Variants in CAV1 observed in about 807,000 individuals in gnomAD.
CAV1 encodes caveolin-1.
In CAV1, 10 loss-of-function variants were observed where a neutral mutation model predicts 16.5. The ratio of observed to expected loss-of-function variants is 0.61; its 90% CI spans 0.37 to 1.03. The LOEUF is 1.03. CAV1 is among the 50% of genes least tolerant of loss of function. The pLI is 0.01. For missense variants in CAV1, 212 were observed against 232.8 expected, an observed-to-expected ratio of 0.91 and a Z score of 0.58; for synonymous variants, 76 against 85.1, an observed-to-expected ratio of 0.89 and a Z score of 0.59.
chr7:116,549,265 C>T (rs1794111705), intron 2 of CAV1, among the ~76,000 whole-genome samples: 6 of 152,208 alleles, frequency 3.9e-5, no homozygotes. Context: ...TCATCATATT[C>T]CAGTGCGTGT....
At chr7:116,531,845 G>A (rs1009935587) in intron 2 of CAV1, among the ~76,000 whole-genome samples, 8 of 152,182 alleles carry the variant, frequency 5.3e-5, no homozygotes, top group African/African-American at 1.9e-4. Context: ...ATGAAGTCAT[G>A]CGTGGAATTC....
chr7:116,560,124 T>G lies in CAV1; in HGVS notation c.*837T>G, dbSNP rs1019525896. On this transcript the variant is annotated 3_prime_UTR_variant, in exon 3 of 3. Transcript: ENST00000341049. ...CTTCTGGGCTTCATCTGGCAACATCTTTATCCGTAGTGGGTATGGTTGACA... is the reference window on the plus strand; with the variant it reads ...CTTCTGGGCTTCATCTGGCAACATCGTTATCCGTAGTGGGTATGGTTGACA... 14 of 316,168 alleles carry G rather than the reference T, an allele frequency of 4.4e-5. No homozygotes were observed. Among genetic ancestry groups the G allele is most frequent in the Admixed American group, 9.9e-5 (2 of 20,210 alleles). The allele number at this position is 316,168 out of a possible 1,614,324, so 19.6% of individuals were successfully genotyped here. A position where few individuals can be genotyped will look rare whatever the true frequency, so the allele number is the denominator to read the frequency against.
rs755203396 is a variant in CAV1 at position 116,559,218 on chromosome 7, T to G, written c.468T>G (p.Cys156Trp). 3.1e-6 allele frequency: 5 copies of G among 1,614,026 alleles called. No homozygotes were observed. The Admixed American group carries it at 8.3e-5, about 27-fold the overall frequency. ...ATTCCATCTACGTCCACACCGTCTGTGACCCACTCTTTGAAGCTGTTGGGA... is the reference window on the plus strand; with the variant it reads ...ATTCCATCTACGTCCACACCGTCTGGGACCCACTCTTTGAAGCTGTTGGGA... ...RVYSIYVHTV[C>W]DPLFEAVGKI... Residue 156 changes from cysteine (C) to tryptophan (W), a missense_variant, in exon 3 of 3, where the codon TGT (cysteine) becomes TGG (tryptophan). By Grantham distance (215) the Cys-to-Trp change is radical (BLOSUM62 -2). Transcript: ENST00000341049.
chr7:116,533,404 A>T, intron 2 of CAV1, among the ~76,000 whole-genome samples: 1 of 150,658 alleles, frequency 6.6e-6, no homozygotes, highest in East Asian at 1.9e-4. Context: ...AAATAAAATA[A>T]AATAAAAATA....
chr7:116,560,133 A>G lies in CAV1; in HGVS notation c.*846A>G. 3.3e-6 allele frequency: 1 copy of G among 301,430 alleles called. No individual in the cohort carries two copies. Among genetic ancestry groups the G allele is most frequent in the Non-Finnish European group, 6.1e-6 (1 of 164,526 alleles). 18.7% of individuals were successfully genotyped at this position (301,430 alleles called of 1,614,324 possible). A position where few individuals can be genotyped will look rare whatever the true frequency, so the allele number is the denominator to read the frequency against. ...TTCATCTGGCAACATCTTTATCCGT[A>G]GTGGGTATGGTTGACACTAGCCCAA... On this transcript the variant is annotated 3_prime_UTR_variant, in exon 3 of 3. Coordinates refer to ENST00000341049, the MANE Select transcript of CAV1 (RefSeq NM_001753.5).
chr7:116,552,518 T>A (rs1794183550), intron 2 of CAV1, among the ~76,000 whole-genome samples: 1 of 152,156 alleles, frequency 6.6e-6, no homozygotes. Context: ...TAAAGGTATA[T>A]CTAAGTCACA....
At chr7:116,550,602 T>C (rs1205410146) in intron 2 of CAV1, among the ~76,000 whole-genome samples, 1 of 152,144 alleles carries the variant, frequency 6.6e-6, no homozygotes, top group Non-Finnish European at 1.5e-5. Flanking sequence ...CTCAACCTCC[T>C]CTGCACCCAC....
chr7:116,539,835 T>G (rs560295137), intron 2 of CAV1, among the ~76,000 whole-genome samples: 1 of 152,256 alleles, frequency 6.6e-6, no homozygotes, highest in Admixed American at 6.5e-5. Context: ...TACCATCTGC[T>G]GCTGTTTGGC....
intron 2 of CAV1, among the ~76,000 whole-genome samples, chr7:116,544,311 A>G (rs1340158543): frequency 6.6e-6 from 1 of 152,242 alleles, no homozygotes; most frequent in East Asian, 1.9e-4. Context: ...TTATCAGGTT[A>G]GTGTTCTTGT....
chr7:116,542,294 A>G (rs905110623), intron 2 of CAV1, among the ~76,000 whole-genome samples: 2 of 152,188 alleles, frequency 1.3e-5, no homozygotes, highest in Non-Finnish European at 2.9e-5. Context: ...AATTTAGACC[A>G]GTGGTTCTTC....
chr7:116,546,707 A>AAAAAAAAAAATAAAAT (rs1794058510), intron 2 of CAV1, among the ~76,000 whole-genome samples: 2 of 151,368 alleles, frequency 1.3e-5, no homozygotes, highest in African/African-American at 2.4e-5. Context: ...CAAAAAAAAA[A>AAAAAAAAAAATAAAAT]AAAAAAAGTC....
intron 2 of CAV1, among the ~76,000 whole-genome samples, chr7:116,550,228 AT>A (rs1009429720): frequency 6.6e-6 from 1 of 152,172 alleles, no homozygotes; most frequent in Non-Finnish European, 1.5e-5. Context: ...ACAAAGGTAG[AT>A]AAATACCCAC....
chr7:116,555,597 A>AG (rs1794274793), intron 2 of CAV1, among the ~76,000 whole-genome samples: 1 of 118,920 alleles, frequency 8.4e-6, no homozygotes, highest in Non-Finnish European at 1.8e-5. Flanking sequence ...AGAAAGAAAG[A>AG]AAGAAAGAGA....
intron 2 of CAV1, among the ~76,000 whole-genome samples, chr7:116,555,542 G>GAGAGAGAGAGAAAGAAAGAA (rs1478856618): frequency 8.2e-5 from 1 of 12,146 alleles, no homozygotes; most frequent in African/African-American, 2.3e-4. Context: ...GAGAGAGAGA[G>GAGAGAGAGAGAAAGAAAGAA]AGAAAGAAAG....
intron 2 of CAV1, 197 bp downstream of exon 2, chr7:116,526,886 C>G (rs1562826974): frequency 1.6e-6 from 1 of 634,614 alleles, no homozygotes; most frequent in Non-Finnish European, 2.8e-6. Context: ...TCTCCCTTCC[C>G]CCATCTCCCC....
At chr7:116,539,168 G>A (rs991776456) in intron 2 of CAV1, among the ~76,000 whole-genome samples, 1 of 152,038 alleles carries the variant, frequency 6.6e-6, no homozygotes, top group Non-Finnish European at 1.5e-5. Flanking sequence ...CTGACATCTG[G>A]ACCTCCTCAG....
Position 116,526,533 on chromosome 7 carries a change from C to T in CAV1, c.39C>T (p.Leu13=). The change falls in exon 2 of 3, where the codon CTC becomes CTT. Residue 13 remains leucine (L), a synonymous_variant. Coordinates refer to ENST00000341049, the MANE Select transcript of CAV1 (RefSeq NM_001753.5). Reference sequence around the variant, plus strand: ...CCCTCCGCCCTCTGCAGGGACATCTCTACACCGTTCCCATCCGGGAACAGG... The same window carrying T: ...CCCTCCGCCCTCTGCAGGGACATCTTTACACCGTTCCCATCCGGGAACAGG... ...GGKYVDSEGH[L]YTVPIREQGN... 6.2e-7 allele frequency: 1 copy of T among 1,614,108 alleles called. No individual in the cohort carries two copies.
chr7:116,548,575 T>C (rs1001693081), intron 2 of CAV1, among the ~76,000 whole-genome samples: 4 of 152,112 alleles, frequency 2.6e-5, no homozygotes, highest in African/African-American at 9.7e-5. Context: ...ATGTAGACAA[T>C]AAAGAGCAAC....
At position 116,526,511 on chromosome 7, in the gene CAV1, T is replaced by C; in HGVS notation, c.31-14T>C. Reference sequence around the variant, plus strand: ...CCCTCCCCGTCCTGGCCGTCCGCCCTCCGCCCTCTGCAGGGACATCTCTAC... The same window carrying C: ...CCCTCCCCGTCCTGGCCGTCCGCCCCCCGCCCTCTGCAGGGACATCTCTAC... On this transcript the variant is annotated splice_polypyrimidine_tract_variant and intron_variant, in intron 1 of 2. Transcript: ENST00000341049. The C allele has an allele frequency of 6.2e-7, 1 of 1,613,566 alleles. No individual in the cohort carries two copies. Among genetic ancestry groups the C allele is most frequent in the Non-Finnish European group, 8.5e-7 (1 of 1,179,906 alleles).
Sources: allele counts gnomAD v4.1 joint callset (sites outside exome capture counted in the v4.1 genomes callset), GRCh38; gene constraint gnomAD v4.1.1; transcripts MANE v1.5; gene names NCBI Gene and HGNC (gene_info 2026-07-23, HGNC 2026-07-21).